SNTG2: variants seen among roughly 807,000 people sequenced by gnomAD.
The protein encoded by SNTG2 is gamma-2-syntrophin.
A neutral mutation model predicts 70.9 loss-of-function variants in SNTG2; 74 were observed. The observed-to-expected ratio is 1.04, with a 90% CI of 0.86 to 1.27. The LOEUF (loss-of-function observed/expected upper bound fraction) is 1.27, where lower values mean the gene tolerates loss of function less well. Ranked by LOEUF, SNTG2 falls within the 50% of genes most tolerant of loss-of-function variation. The probability of loss-of-function intolerance (pLI) is 0.00; values close to 1 mark genes in which losing one functional copy is unlikely to be tolerated. For synonymous variants in SNTG2, 278 were observed against 273.8 expected, an observed-to-expected ratio of 1.02 and a Z score of -0.15; for missense variants, 717 against 690.7, an observed-to-expected ratio of 1.04 and a Z score of -0.43.
chr2:1,244,032 A>G (rs529620502), intron 11 of SNTG2, among the ~76,000 whole-genome samples: 1 of 152,344 alleles, frequency 6.6e-6, no homozygotes, highest in South Asian at 2.1e-4. Flanking sequence ...GCCTGGGGCC[A>G]GGGTGGTGGT....
intron 9 of SNTG2, among the ~76,000 whole-genome samples, chr2:1,216,601 C>G (rs1674409008): frequency 6.6e-6 from 1 of 152,120 alleles, no homozygotes; most frequent in South Asian, 2.1e-4. Context: ...TGTTGATTTT[C>G]TCAGGTTATC....
intron 4 of SNTG2, among the ~76,000 whole-genome samples, chr2:1,111,498 CG>C (rs1458302234): frequency 6.6e-6 from 1 of 152,174 alleles, no homozygotes; most frequent in Non-Finnish European, 1.5e-5. Flanking sequence ...ACAAATCCTT[CG>C]GGCCCCAAAG....
Position 1,137,763 on chromosome 2 carries a change from T to C in SNTG2, c.370-5T>C. On this transcript the variant is annotated splice_polypyrimidine_tract_variant and splice_region_variant and intron_variant, in intron 5 of 16. Transcript: ENST00000308624. ...CTCAACATTCTTACTTTGTCATCTG[T>C]TCAGGTTAATGGCATACATGTAGAA... 1 of 1,613,840 alleles carries C rather than the reference T, an allele frequency of 6.2e-7. No homozygotes were observed. The highest frequency in any genetic ancestry group is 1.7e-5 in the Admixed American group (1 of 60,018).
chr2:1,119,852 A>G (rs921988571), intron 4 of SNTG2, among the ~76,000 whole-genome samples: 1 of 152,182 alleles, frequency 6.6e-6, no homozygotes, highest in African/African-American at 2.4e-5. Context: ...ACAAATAAGA[A>G]AATAAGAGAA....
At chr2:1,144,453 A>G (rs1045814982) in intron 6 of SNTG2, among the ~76,000 whole-genome samples, 1 of 152,244 alleles carries the variant, frequency 6.6e-6, no homozygotes, top group East Asian at 1.9e-4. Context: ...GACAGACCAC[A>G]TTCTGGGCCA....
At chr2:956,094 ACCTGCCCCTACCCCTGC>A (rs1193127542) in intron 1 of SNTG2, among the ~76,000 whole-genome samples, 2 of 50,806 alleles carry the variant, frequency 3.9e-5, no homozygotes, top group Non-Finnish European at 7.4e-5. Context: ...AATGCTCCGC[ACCTGCCCCTACCCCTGC>A]CCTGCCCCTG....
At chr2:971,383 C>T (rs1198769772) in intron 1 of SNTG2, among the ~76,000 whole-genome samples, 7 of 152,030 alleles carry the variant, frequency 4.6e-5, no homozygotes, top group African/African-American at 1.7e-4. Context: ...CTGGTTCTCC[C>T]TTGGAAAGTT....
At chr2:1,062,559 T>C (rs1013228939) in intron 1 of SNTG2, among the ~76,000 whole-genome samples, 4 of 152,180 alleles carry the variant, frequency 2.6e-5, no homozygotes, top group African/African-American at 9.7e-5. Flanking sequence ...AAATAAGAGA[T>C]GTAATATTGT....
chr2:1,085,791 C>T (rs932138405), intron 2 of SNTG2, among the ~76,000 whole-genome samples: 3 of 152,180 alleles, frequency 2.0e-5, no homozygotes, highest in Non-Finnish European at 2.9e-5. Context: ...ACGGGAGAGC[C>T]GGCTTCCTCT....
At chr2:1,060,327 A>G (rs1558353024) in intron 1 of SNTG2, among the ~76,000 whole-genome samples, 1 of 152,178 alleles carries the variant, frequency 6.6e-6, no homozygotes, top group East Asian at 1.9e-4. Flanking sequence ...TACCTATCTA[A>G]TGGATATGTA....
chr2:1,336,686 G>C (rs373133423), intron 16 of SNTG2, among the ~76,000 whole-genome samples: 30 of 152,226 alleles, frequency 2.0e-4, no homozygotes, highest in African/African-American at 6.5e-4. Context: ...TGAATATCCA[G>C]TTTTCCCCAC....
intron 1 of SNTG2, among the ~76,000 whole-genome samples, chr2:953,276 C>T (rs1336369461): frequency 4.6e-5 from 7 of 152,208 alleles, no homozygotes; most frequent in South Asian, 2.1e-4. Context: ...GTACAATGTG[C>T]GAAGTGTGTC....
chr2:1,241,057 A>T (rs910225769), intron 11 of SNTG2, among the ~76,000 whole-genome samples: 1 of 152,216 alleles, frequency 6.6e-6, no homozygotes, highest in South Asian at 2.1e-4. Context: ...CAAAGTTTTG[A>T]CATGATCTCT....
intron 1 of SNTG2, among the ~76,000 whole-genome samples, chr2:1,056,164 C>CA (rs1219592780): frequency 6.6e-6 from 1 of 150,474 alleles, no homozygotes; most frequent in Non-Finnish European, 1.5e-5. Context: ...GGATGGGCTC[C>CA]AGCTTCATTC....
At chr2:1,165,383 C>G (rs931044352) in intron 6 of SNTG2, among the ~76,000 whole-genome samples, 165 bp from the exon 7 acceptor site, 1 of 152,060 alleles carries the variant, frequency 6.6e-6, no homozygotes, top group Non-Finnish European at 1.5e-5. Flanking sequence ...AGGTGATAAC[C>G]ACTCTTCTTT....
intron 7 of SNTG2, among the ~76,000 whole-genome samples, chr2:1,166,719 C>T (rs7574072): frequency 0.034 from 5,189 of 152,232 alleles, 299 homozygotes; most frequent in African/African-American, 0.12. Flanking sequence ...CCAAATGTTG[C>T]GTTTTCCAGT....
At chr2:1,355,381 G>T (rs920854420) in intron 16 of SNTG2, among the ~76,000 whole-genome samples, 2 of 152,164 alleles carry the variant, frequency 1.3e-5, no homozygotes, top group Admixed American at 6.5e-5. Context: ...GCAGCCCCAT[G>T]CTACTCCCCC....
chr2:1,038,931 T>C (rs1661280004), intron 1 of SNTG2, among the ~76,000 whole-genome samples: 1 of 152,248 alleles, frequency 6.6e-6, no homozygotes, highest in African/African-American at 2.4e-5. Flanking sequence ...TGAGCTCATA[T>C]TGTTATGCTT....
At chr2:1,241,470 TTTTTTA>T (rs200787811) in intron 11 of SNTG2, among the ~76,000 whole-genome samples, 14,640 of 152,230 alleles carry the variant, frequency 0.096, 786 homozygotes, top group South Asian at 0.15. Flanking sequence ...ATTTTCTTTT[TTTTTTA>T]TTATTATTAT....
Sources: allele counts gnomAD v4.1 joint callset (sites outside exome capture counted in the v4.1 genomes callset), GRCh38; gene constraint gnomAD v4.1.1; transcripts MANE v1.5; gene names NCBI Gene and HGNC (gene_info 2026-07-23, HGNC 2026-07-21).